DNAH14: variants seen among roughly 807,000 people sequenced by gnomAD.
The protein encoded by DNAH14 is dynein axonemal heavy chain 14, also known as axonemal beta dynein heavy chain 14.
DNAH14 carries 478 observed loss-of-function variants against 520.9 expected under a neutral mutation model. The ratio of observed to expected loss-of-function variants is 0.92; its 90% confidence interval spans 0.85 to 0.99. The LOEUF is 0.99. DNAH14 is among the 50% of genes least tolerant of loss of function. The pLI, the probability that DNAH14 is intolerant of heterozygous loss-of-function variation, is 0.00. For synonymous variants in DNAH14, 1,581 were observed against 1,757.2 expected (o/e 0.90, Z 2.51); for missense variants, 4,831 against 5,234.5 (o/e 0.92, Z 2.38).
At chr1:225,249,231 A>C (rs2092440816) in intron 43 of DNAH14, among the ~76,000 whole-genome samples, 1 of 152,304 alleles carries the variant, frequency 6.6e-6, no homozygotes, top group East Asian at 1.9e-4. Context: ...TTAATTCACT[A>C]ACCTGATCTT....
chr1:224,945,936 A>C (rs1364022262), intron 1 of DNAH14, among the ~76,000 whole-genome samples: 1 of 152,300 alleles, frequency 6.6e-6, no homozygotes, highest in Non-Finnish European at 1.5e-5. Context: ...CTCGGGGGTC[A>C]GGGAACTGCT....
chr1:225,202,346 T>C (rs2086952357), intron 38 of DNAH14, among the ~76,000 whole-genome samples: 1 of 152,160 alleles, frequency 6.6e-6, no homozygotes, highest in Non-Finnish European at 1.5e-5. Flanking sequence ...GCTCAGACTC[T>C]CCTTGGGCGG....
At chr1:225,013,994 C>T (rs1450831023) in intron 10 of DNAH14, among the ~76,000 whole-genome samples, 1 of 152,058 alleles carries the variant, frequency 6.6e-6, no homozygotes, top group East Asian at 1.9e-4. Context: ...CCAGGTGCCA[C>T]TGGGGTATGA....
At chr1:225,067,937 A>G (rs566848637) in intron 17 of DNAH14, among the ~76,000 whole-genome samples, 169 of 152,160 alleles carry the variant, frequency 1.1e-3, no homozygotes, top group African/African-American at 3.8e-3. Context: ...GCTGTGCAGA[A>G]GCTCTTTAGT....
intron 10 of DNAH14, among the ~76,000 whole-genome samples, chr1:225,007,892 A>G (rs2064308625): frequency 6.6e-6 from 1 of 151,680 alleles, no homozygotes; most frequent in South Asian, 2.1e-4. Flanking sequence ...TTTCTGTTTC[A>G]GTAGGCACAG....
chr1:225,097,346 C>T (rs2075077117), intron 22 of DNAH14, 107 bp downstream of exon 22: 1 of 1,097,516 alleles, frequency 9.1e-7, no homozygotes, highest in Non-Finnish European at 1.3e-6. Flanking sequence ...CTATCTTATC[C>T]TACCTACAGA....
chr1:224,997,693 T>A (rs761364151), intron 8 of DNAH14, among the ~76,000 whole-genome samples: 4 of 152,160 alleles, frequency 2.6e-5, no homozygotes, highest in Non-Finnish European at 4.4e-5. Flanking sequence ...TGGAGATTGC[T>A]TCTTTGGAAG....
At chr1:225,001,602 G>A (rs1293235520) in intron 8 of DNAH14, among the ~76,000 whole-genome samples, 1 of 151,736 alleles carries the variant, frequency 6.6e-6, no homozygotes, top group Non-Finnish European at 1.5e-5. Context: ...TTATTTTTAT[G>A]TGCACCCTCC....
At chr1:225,004,367 A>C (rs1412282594) in intron 9 of DNAH14, among the ~76,000 whole-genome samples, 1 of 152,184 alleles carries the variant, frequency 6.6e-6, no homozygotes, top group Non-Finnish European at 1.5e-5. Flanking sequence ...AGAAATCCAG[A>C]GGAGGCAGAG....
intron 55 of DNAH14, among the ~76,000 whole-genome samples, chr1:225,293,283 A>G (rs1180994039): frequency 3.3e-5 from 5 of 152,202 alleles, no homozygotes; most frequent in Non-Finnish European, 7.4e-5. Flanking sequence ...AGAGACCTAA[A>G]GACAGAAATA....
chr1:225,040,336 T>C (rs1379458913), intron 12 of DNAH14, among the ~76,000 whole-genome samples: 1 of 152,234 alleles, frequency 6.6e-6, no homozygotes, highest in Non-Finnish European at 1.5e-5. Context: ...ACACACTATG[T>C]AGTTTGAAGT....
intron 43 of DNAH14, among the ~76,000 whole-genome samples, chr1:225,241,151 A>G (rs1346810839): frequency 1.3e-5 from 2 of 151,986 alleles, no homozygotes; most frequent in African/African-American, 2.4e-5. Context: ...CTGTAGGATC[A>G]TAATATTATA....
Position 225,331,615 on chromosome 1 carries a change from C to A in DNAH14, c.9864+38C>A, listed in dbSNP as rs932345250. ...TTGGTCTTATATCTCGTCCATAATT[C>A]CTACTGGGCCCAACAACCCCCAAGA... On this transcript the variant is annotated intron_variant, in intron 65 of 85. Coordinates refer to ENST00000682510, the MANE Select transcript of DNAH14 (RefSeq NM_001367479.1). 6 of 1,550,112 alleles carry A rather than the reference C, an allele frequency of 3.9e-6. No homozygotes were observed. In the Admixed American group the frequency reaches 7.9e-5, roughly 20 times the overall value.
chr1:225,212,606 T>C (rs2088608754), intron 41 of DNAH14, among the ~76,000 whole-genome samples: 1 of 152,152 alleles, frequency 6.6e-6, no homozygotes, highest in Non-Finnish European at 1.5e-5. Context: ...TTCTAACTGG[T>C]GTGAGGTGGT....
intron 49 of DNAH14, 122 bp from the exon 50 acceptor site, chr1:225,270,613 T>A: frequency 1.3e-6 from 1 of 766,580 alleles, no homozygotes; most frequent in Non-Finnish European, 1.9e-6. Flanking sequence ...CAATAAATAG[T>A]AATTAAATCT....
Position 225,333,326 on chromosome 1 carries a change from C to T in DNAH14, c.9900C>T (p.Asn3300=), listed in dbSNP as rs1274063916. The change falls in exon 66 of 86, where the codon AAC becomes AAT. Residue 3300 remains asparagine (N), a synonymous_variant. Transcript: ENST00000682510. The part of the protein sequence containing the change: ...RWQETINQID[N]KLEGILGDIL... Reference sequence around the variant, plus strand: ...AAGAAACAATCAATCAAATAGATAACAAATTAGAAGGAATTTTGGGTGACA... The same window carrying T: ...AAGAAACAATCAATCAAATAGATAATAAATTAGAAGGAATTTTGGGTGACA... The T allele has an allele frequency of 5.2e-6, 8 of 1,551,448 alleles. No individual in the cohort carries two copies. The highest frequency in any genetic ancestry group is 7.0e-6 in the Non-Finnish European group (8 of 1,146,828).
intron 46 of DNAH14, among the ~76,000 whole-genome samples, chr1:225,262,077 A>T (rs1181508479): frequency 6.6e-6 from 1 of 151,978 alleles, no homozygotes. Flanking sequence ...AAAGCTTTCC[A>T]TAATATTGGT....
intron 41 of DNAH14, among the ~76,000 whole-genome samples, chr1:225,221,060 TTCTC>T (rs2090007142): frequency 6.6e-6 from 1 of 152,138 alleles, no homozygotes; most frequent in Non-Finnish European, 1.5e-5. Context: ...GGGGAAAGGA[TTCTC>T]TATTTAATAA....
At chr1:225,374,145 CTATATATATATATATATATATATATATA>C (rs71170080) in intron 77 of DNAH14, among the ~76,000 whole-genome samples, 8 of 33,056 alleles carry the variant, frequency 2.4e-4, no homozygotes, top group Non-Finnish European at 3.0e-4. Flanking sequence ...TTGTGTCTTA[CTATATATATATATATATATATATATATA>C]TATATATATA....
Sources: gnomAD v4.1 joint callset for allele counts (sites outside exome capture counted in the v4.1 genomes callset) on GRCh38, gnomAD v4.1.1 for gene constraint, MANE v1.5 for transcripts, NCBI Gene and HGNC (gene_info 2026-07-23, HGNC 2026-07-21) for gene names.